The following SP3 variants were observed in gnomAD, a reference collection of about 807,000 sequenced individuals.
SP3 encodes the protein Sp3 transcription factor.
A neutral mutation model predicts 70.3 loss-of-function variants in SP3; 10 were observed. The observed-to-expected ratio is 0.14, with a 90% CI of 0.09 to 0.24. The LOEUF (loss-of-function observed/expected upper bound fraction) is 0.24. Among genes scored for constraint, SP3 ranks in the 10% least tolerant of loss-of-function variants. The probability of loss-of-function intolerance (pLI) is 1.00; values close to 1 mark genes in which losing one functional copy is unlikely to be tolerated. For synonymous variants in SP3, 402 were observed against 333.5 expected (o/e 1.21, Z -2.24); for missense variants, 825 against 914.6 (o/e 0.90, Z 1.26).
chr2:173,963,964 G>T (rs1691178184), intron 2 of SP3, 81 bp from the exon 3 acceptor site: 2 of 983,352 alleles, frequency 2.0e-6, no homozygotes, highest in Non-Finnish European at 2.8e-6. Flanking sequence ...CGCACAGGAA[G>T]TACGACTCGG....
chr2:173,964,879 C>T (rs1055014285), intron 1 of SP3: 5 of 501,278 alleles, frequency 1.0e-5, no homozygotes, highest in Admixed American at 8.6e-5. Context: ...CACCGTCAGT[C>T]ACTCACACAC....
intron 4 of SP3, among the ~76,000 whole-genome samples, chr2:173,949,382 GAAAT>G: frequency 6.6e-6 from 1 of 150,966 alleles, no homozygotes; most frequent in South Asian, 2.1e-4. Flanking sequence ...AAAAAAATCT[GAAAT>G]AAAAATAACC....
chr2:173,934,243 A>C (rs1690154130), intron 4 of SP3, among the ~76,000 whole-genome samples: 1 of 152,126 alleles, frequency 6.6e-6, no homozygotes, highest in South Asian at 2.1e-4. Flanking sequence ...CTCTAAAAAA[A>C]AAAAAGAGCA....
intron 4 of SP3, among the ~76,000 whole-genome samples, chr2:173,940,872 CAA>C (rs1326456712): frequency 2.0e-5 from 3 of 152,188 alleles, no homozygotes; most frequent in Admixed American, 2.0e-4. Flanking sequence ...TCTTATCTTC[CAA>C]TCAACATATC....
At chr2:173,918,366 G>A (rs139699236) in intron 5 of SP3, among the ~76,000 whole-genome samples, 2 of 152,134 alleles carry the variant, frequency 1.3e-5, no homozygotes, top group Non-Finnish European at 2.9e-5. Flanking sequence ...GGCATCTGCT[G>A]TACTATTTTT....
At chr2:173,964,848 C>A in intron 1 of SP3, 1 of 484,822 alleles carries the variant, frequency 2.1e-6, no homozygotes, top group Non-Finnish European at 3.6e-6. Context: ...CGCTCGCTCT[C>A]ACTCGCGCTC....
Position 173,903,603 on chromosome 2 carries a change from G to C in SP3, c.*6338C>G, listed in dbSNP as rs1258082450. On this transcript the variant is annotated 3_prime_UTR_variant, in exon 7 of 7. Coordinates refer to ENST00000310015, the MANE Select transcript of SP3 (RefSeq NM_003111.5). ...AGTAATTGGGTATACATAATTAAAA[G>C]AAAGACCCAAACCTATTCTGAGTCC... 1.3e-5 allele frequency among the ~76,000 whole-genome samples: 2 copies of C among 152,142 alleles called. No homozygotes were observed. The highest frequency in any genetic ancestry group is 6.5e-5 in the Admixed American group (1 of 15,276).
chr2:173,923,558 C>A (rs770148754), intron 4 of SP3, among the ~76,000 whole-genome samples: 1 of 151,934 alleles, frequency 6.6e-6, no homozygotes, highest in Non-Finnish European at 1.5e-5. Context: ...AATTCTTAAC[C>A]AACTTATCAA....
Position 173,901,208 on chromosome 2 carries a change from G to A in SP3, c.*8733C>T, listed in dbSNP as rs1188498831. Among the ~76,000 whole-genome samples the A allele has an allele frequency of 1.3e-5, 2 of 151,782 alleles. No homozygotes were observed. The highest frequency in any genetic ancestry group is 1.3e-4 in the Admixed American group (2 of 15,240). On this transcript the variant is annotated 3_prime_UTR_variant, in exon 7 of 7. Transcript: ENST00000310015. ...GTGAATTAACAAGATAAATAGAAAGGCAAAATCATAAAATTTTTAGACAAA... is the reference window on the plus strand; with the variant it reads ...GTGAATTAACAAGATAAATAGAAAGACAAAATCATAAAATTTTTAGACAAA...
chr2:173,920,517 T>C (rs535959084), intron 4 of SP3, among the ~76,000 whole-genome samples: 1 of 152,128 alleles, frequency 6.6e-6, no homozygotes, highest in Admixed American at 6.6e-5. Context: ...GGGAAGGGTA[T>C]GCATGTGCAG....
intron 1 of SP3, 181 bp from the exon 2 acceptor site, chr2:173,964,734 C>G: frequency 2.7e-6 from 1 of 374,930 alleles, no homozygotes; most frequent in Non-Finnish European, 4.8e-6. Flanking sequence ...CTGCTGCCCC[C>G]GCCCGCCGCT....
At position 173,901,984 on chromosome 2, in the gene SP3, G is replaced by A. The variant is rs959504989; in HGVS notation, c.*7957C>T. 3.3e-5 allele frequency among the ~76,000 whole-genome samples: 5 copies of A among 152,110 alleles called. No homozygotes were observed. Among genetic ancestry groups the A allele is most frequent in the South Asian group, 2.1e-4 (1 of 4,826 alleles). On this transcript the variant is annotated 3_prime_UTR_variant, in exon 7 of 7. Coordinates refer to ENST00000310015, the MANE Select transcript of SP3 (RefSeq NM_003111.5). ...ACCACAGGCATGAGCCACTGCCCCC[G>A]GCCAAGCCTTCTTTTCAATATTCAA... is the stretch of plus-strand genomic sequence containing the variant.
intron 4 of SP3, among the ~76,000 whole-genome samples, chr2:173,932,485 C>T (rs1482242086): frequency 1.3e-5 from 2 of 152,154 alleles, no homozygotes; most frequent in Non-Finnish European, 2.9e-5. Flanking sequence ...GCCACCGTGC[C>T]TGGAACTGGC....
intron 6 of SP3, 23 bp from the exon 7 acceptor site, chr2:173,910,280 A>G: frequency 6.2e-7 from 1 of 1,606,916 alleles, no homozygotes; most frequent in South Asian, 1.1e-5. Flanking sequence ...AAATTAAGTT[A>G]CTTGGTTTTA....
At position 173,907,835 on chromosome 2, in the gene SP3, A is replaced by G. The variant is rs1025525571; in HGVS notation, c.*2106T>C. 6.6e-6 allele frequency: 1 copy of G among 152,114 alleles called. No homozygotes were observed. The highest frequency in any genetic ancestry group is 2.4e-5 in the African/African-American group (1 of 41,448). The allele number at this position is 152,114 out of a possible 1,614,324, so 9.4% of individuals were successfully genotyped here. ...AATTGTAAATTCTAGTGGTTCCTTT[A>G]TATTATTCCAAGTAGAACTTCCTAT... On this transcript the variant is annotated 3_prime_UTR_variant, in exon 7 of 7. Transcript: ENST00000310015.
intron 4 of SP3, among the ~76,000 whole-genome samples, chr2:173,935,454 A>G (rs1690184197): frequency 6.6e-6 from 1 of 152,184 alleles, no homozygotes. Context: ...ACTAAACTTT[A>G]CAATGCCAAA....
chr2:173,938,459 CAAAAA>C (rs747595137), intron 4 of SP3, among the ~76,000 whole-genome samples: 13 of 46,384 alleles, frequency 2.8e-4, no homozygotes, highest in Admixed American at 5.8e-4. Flanking sequence ...AACTTTGCCT[CAAAAA>C]AAAAAAAAAA....
chr2:173,955,807 C>A lies in SP3; in HGVS notation c.705G>T (p.Gln235His), dbSNP rs746830318. The A allele has an allele frequency of 2.5e-6, 4 of 1,614,200 alleles. No individual in the cohort carries two copies. Among genetic ancestry groups the A allele is most frequent in the Non-Finnish European group, 3.4e-6 (4 of 1,180,028 alleles). The change falls in exon 4 of 7, where the codon CAG (glutamine) becomes CAT (histidine). Residue 235 changes from glutamine (Q) to histidine (H), a missense_variant. Around this residue, in one of 4 missense-constraint regions of SP3, gnomAD observed 678 missense variants for 651.6 expected, o/e 1.04. Coordinates refer to ENST00000310015, the MANE Select transcript of SP3 (RefSeq NM_003111.5). ...QNLIPQTGQV[Q>H]VQGVAIGGSS... The stretch of plus-strand genomic sequence containing the variant: ...AACCACCAATTGCAACTCCCTGAAC[C>A]TGGACTTGACCAGTCTGTGGTATGA...
At chr2:173,956,579 T>C (rs938339751) in intron 3 of SP3, among the ~76,000 whole-genome samples, 1 of 152,182 alleles carries the variant, frequency 6.6e-6, no homozygotes, top group East Asian at 1.9e-4. Context: ...AGGTGCATTA[T>C]ATTTGTGTAT....
Sources: gnomAD v4.1 joint callset for allele counts (sites outside exome capture counted in the v4.1 genomes callset) on GRCh38, gnomAD v4.1.1 for gene constraint, gnomAD v4.1.1 regional missense constraint, MANE v1.5 for transcripts, NCBI Gene and HGNC (gene_info 2026-07-23, HGNC 2026-07-21) for gene names.